Variants in NPFFR2 observed in about 807,000 individuals in gnomAD.
The protein encoded by NPFFR2 is neuropeptide FF receptor 2.
NPFFR2 carries 15 observed loss-of-function variants against 13.1 expected under a neutral mutation model. The observed-to-expected ratio is 1.15, with a 90% CI of 0.77 to 1.76. The LOEUF is 1.76. Among genes scored for constraint, NPFFR2 ranks in the 40% most tolerant of loss-of-function variants. The probability of loss-of-function intolerance (pLI) is 0.00; values close to 1 mark genes in which losing one functional copy is unlikely to be tolerated. For synonymous variants in NPFFR2, 190 were observed against 175.7 expected (o/e 1.08, Z -0.65); for missense variants, 572 against 503.5 (o/e 1.14, Z -1.30).
intron 1 of NPFFR2, among the ~76,000 whole-genome samples, chr4:72,094,785 C>T (rs912380561): frequency 6.6e-6 from 1 of 152,216 alleles, no homozygotes; most frequent in Admixed American, 6.5e-5. Flanking sequence ...TGCTGCCCCA[C>T]AGAGCCTGCA....
chr4:72,147,509 G>A lies in NPFFR2; in HGVS notation c.960G>A (p.Trp320Ter). 1 of 1,614,164 alleles carries A rather than the reference G, an allele frequency of 6.2e-7. No individual in the cohort carries two copies. The highest frequency in any genetic ancestry group is 8.5e-7 in the Non-Finnish European group (1 of 1,180,038). The change falls in exon 4 of 4, where the codon TGG becomes TGA. Residue 320 changes from tryptophan (W) to a stop codon, truncating the protein, a stop_gained. Coordinates refer to ENST00000308744, the MANE Select transcript of NPFFR2 (RefSeq NM_004885.3). LOFTEE classifies it low-confidence loss of function (END_TRUNC). ...TCTACATCTACCCTTTTGCACACTG[G>A]CTGGCATTCGGCAACAGCAGTGTCA... ...INIYIYPFAH[W>*]LAFGNSSVNP...
chr4:72,091,666 T>C (rs534192841), intron 1 of NPFFR2, among the ~76,000 whole-genome samples: 17 of 152,234 alleles, frequency 1.1e-4, no homozygotes, highest in Admixed American at 5.2e-4. Flanking sequence ...ATTTCTGTAG[T>C]GTCGGTTGTA....
At position 72,032,053 on chromosome 4, in the gene NPFFR2, G is replaced by T; in HGVS notation, c.-155G>T. The T allele has an allele frequency of 6.2e-7, 1 of 1,614,114 alleles. No individual in the cohort carries two copies. The highest frequency in any genetic ancestry group is 8.5e-7 in the Non-Finnish European group (1 of 1,180,000). ...GCCTGGAGCGGAAGCCTGGAGTGGAGCAGGCAGTCCGCGGGGGACAGACGT... is the reference window on the plus strand; with the variant it reads ...GCCTGGAGCGGAAGCCTGGAGTGGATCAGGCAGTCCGCGGGGGACAGACGT... On this transcript the variant is annotated 5_prime_UTR_variant, in exon 1 of 4. Transcript: ENST00000308744.
At chr4:72,112,872 G>C (rs190791818) in intron 1 of NPFFR2, among the ~76,000 whole-genome samples, 3 of 151,818 alleles carry the variant, frequency 2.0e-5, no homozygotes, top group Admixed American at 2.0e-4. Context: ...TACTTTTACC[G>C]GTTATATAGA....
At chr4:72,126,141 A>T (rs1161404315) in intron 1 of NPFFR2, among the ~76,000 whole-genome samples, 1 of 152,238 alleles carries the variant, frequency 6.6e-6, no homozygotes, top group Non-Finnish European at 1.5e-5. Flanking sequence ...GGAGCATATG[A>T]TATACTTGCA....
chr4:72,114,702 TAATA>T (rs1035982914), intron 1 of NPFFR2, among the ~76,000 whole-genome samples: 43 of 152,166 alleles, frequency 2.8e-4, no homozygotes, highest in African/African-American at 1.0e-3. Flanking sequence ...TCACCCCTAC[TAATA>T]GATATTTTTC....
chr4:72,095,365 C>T (rs911200195), intron 1 of NPFFR2, among the ~76,000 whole-genome samples: 7 of 152,026 alleles, frequency 4.6e-5, no homozygotes, highest in Non-Finnish European at 1.0e-4. Context: ...ATTAACACCA[C>T]GGAAATAGAC....
intron 1 of NPFFR2, among the ~76,000 whole-genome samples, chr4:72,089,198 T>A (rs1720848178): frequency 6.6e-6 from 1 of 152,174 alleles, no homozygotes; most frequent in Non-Finnish European, 1.5e-5. Flanking sequence ...CTATGGTATA[T>A]ATGTACCACA....
intron 1 of NPFFR2, among the ~76,000 whole-genome samples, chr4:72,050,835 T>C (rs1719537168): frequency 7.0e-6 from 1 of 142,846 alleles, no homozygotes; most frequent in Admixed American, 7.1e-5. Flanking sequence ...CATTGTTCAA[T>C]TCCCACCTAT....
At chr4:72,051,662 A>C (rs1719586154) in intron 1 of NPFFR2, among the ~76,000 whole-genome samples, 1 of 151,940 alleles carries the variant, frequency 6.6e-6, no homozygotes, top group Non-Finnish European at 1.5e-5. Context: ...AACTGAAGGA[A>C]ATAGAGACAC....
At chr4:72,136,406 GA>G (rs200956367) in intron 2 of NPFFR2, among the ~76,000 whole-genome samples, 3 of 150,398 alleles carry the variant, frequency 2.0e-5, no homozygotes, top group African/African-American at 7.3e-5. Context: ...AACACCACCA[GA>G]AAAAAAAAGA....
chr4:72,134,034 G>A (rs533273081), intron 2 of NPFFR2, among the ~76,000 whole-genome samples: 1 of 152,124 alleles, frequency 6.6e-6, no homozygotes, highest in Non-Finnish European at 1.5e-5. Flanking sequence ...GGAGGCCAAG[G>A]CAGACAGATC....
At chr4:72,132,250 T>C (rs1722268089) in intron 2 of NPFFR2, among the ~76,000 whole-genome samples, 1 of 152,128 alleles carries the variant, frequency 6.6e-6, no homozygotes, top group Non-Finnish European at 1.5e-5. Flanking sequence ...ACATGTAGTA[T>C]TGGGTTTCCT....
At chr4:72,118,308 C>G (rs1427419286) in intron 1 of NPFFR2, among the ~76,000 whole-genome samples, 1 of 152,160 alleles carries the variant, frequency 6.6e-6, no homozygotes, top group Non-Finnish European at 1.5e-5. Context: ...TATAAAAATG[C>G]TTAGCACTGA....
chr4:72,140,772 C>G (rs531085534), intron 3 of NPFFR2, among the ~76,000 whole-genome samples: 49 of 152,190 alleles, frequency 3.2e-4, no homozygotes, highest in African/African-American at 1.1e-3. Flanking sequence ...TGATGCTGGC[C>G]TCATAAAATG....
chr4:72,117,050 G>A (rs1436235955), intron 1 of NPFFR2, among the ~76,000 whole-genome samples: 1 of 152,122 alleles, frequency 6.6e-6, no homozygotes, highest in Non-Finnish European at 1.5e-5. Flanking sequence ...CCAGGAAGTG[G>A]TCAGACACCT....
intron 3 of NPFFR2, among the ~76,000 whole-genome samples, chr4:72,139,368 C>T (rs1722522573): frequency 6.6e-6 from 1 of 152,112 alleles, no homozygotes; most frequent in South Asian, 2.1e-4. Context: ...CTTAGGTTTT[C>T]TTCTAGGTTT....
intron 2 of NPFFR2, among the ~76,000 whole-genome samples, chr4:72,133,660 G>T (rs988268915): frequency 6.6e-5 from 10 of 152,188 alleles, no homozygotes; most frequent in Middle Eastern, 3.4e-3. Context: ...TTTTCTATTT[G>T]TTTGTGTCAT....
At chr4:72,073,537 T>C (rs1040008886) in intron 1 of NPFFR2, among the ~76,000 whole-genome samples, 3 of 152,052 alleles carry the variant, frequency 2.0e-5, no homozygotes. Flanking sequence ...TGATGTATGA[T>C]TCTACTTTTT....
Sources: allele counts gnomAD v4.1 joint callset (sites outside exome capture counted in the v4.1 genomes callset), GRCh38; gene constraint gnomAD v4.1.1; transcripts MANE v1.5; gene names NCBI Gene and HGNC (gene_info 2026-07-23, HGNC 2026-07-21).